The following PTK2 variants were observed in gnomAD, a reference collection of about 807,000 sequenced individuals.
PTK2 encodes the protein protein tyrosine kinase 2.
PTK2 carries 45 observed loss-of-function variants against 150.1 expected under a neutral mutation model. The observed-to-expected ratio is 0.30, with a 90% CI of 0.24 to 0.38. The LOEUF is 0.38. Among genes scored for constraint, PTK2 ranks in the 10% least tolerant of loss-of-function variants. The pLI, the probability that PTK2 is intolerant of heterozygous loss-of-function variation, is 1.00. For synonymous variants in PTK2, 432 were observed against 449.2 expected (o/e 0.96, Z 0.48); for missense variants, 919 against 1,307.3 (o/e 0.70, Z 4.58).
rs986083172 is a variant in PTK2 at position 140,879,316 on chromosome 8, T to A, written c.362+155A>T. The A allele has an allele frequency of 5.5e-6, 4 of 723,740 alleles. No individual in the cohort carries two copies. In the African/African-American group the frequency reaches 7.3e-5, roughly 13 times the overall value. The allele number at this position is 723,740 out of a possible 1,614,324, so 44.8% of individuals were successfully genotyped here. On this transcript the variant is annotated intron_variant, in intron 4 of 31. Transcript: ENST00000522684. ...AGCTAGACTAGAGGTCTAGAAGAGA[T>A]CATTCGTTAATAATTACTAACGAAT...
chr8:140,933,938 G>C (rs1439433952), intron 1 of PTK2, among the ~76,000 whole-genome samples: 4 of 151,696 alleles, frequency 2.6e-5, no homozygotes, highest in East Asian at 1.9e-4. Context: ...TGCCACACAC[G>C]AGGAAGATAA....
At chr8:140,997,857 T>C (rs1021075924) in intron 1 of PTK2, among the ~76,000 whole-genome samples, 3 of 152,178 alleles carry the variant, frequency 2.0e-5, no homozygotes, top group African/African-American at 7.2e-5. Context: ...GAGGATCACT[T>C]GAGCCCAGGA....
intron 10 of PTK2, among the ~76,000 whole-genome samples, chr8:140,813,444 T>C (rs2100102788): frequency 6.6e-6 from 1 of 151,014 alleles, no homozygotes; most frequent in Non-Finnish European, 1.5e-5. Flanking sequence ...ATAATAAACA[T>C]TCTCTCGGAG....
intron 21 of PTK2, among the ~76,000 whole-genome samples, chr8:140,735,674 G>A (rs949755311): frequency 2.0e-5 from 3 of 152,160 alleles, no homozygotes; most frequent in Non-Finnish European, 4.4e-5. Flanking sequence ...GAAAAATGCT[G>A]TAATTTTTCT....
intron 23 of PTK2, among the ~76,000 whole-genome samples, chr8:140,710,859 T>G (rs1377707787): frequency 1.8e-4 from 28 of 152,226 alleles, no homozygotes; most frequent in Admixed American, 1.8e-3. Flanking sequence ...CAATTGGCAT[T>G]AAGGTAGAGG....
chr8:140,941,980 C>T (rs115221321), intron 1 of PTK2, among the ~76,000 whole-genome samples: 23,696 of 152,066 alleles, frequency 0.16, 2,315 homozygotes, highest in East Asian at 0.46. Context: ...CTTGACCACC[C>T]CCAGGTTCAA....
chr8:140,713,018 A>T (rs1026581462), intron 23 of PTK2, among the ~76,000 whole-genome samples: 3 of 152,234 alleles, frequency 2.0e-5, no homozygotes, highest in African/African-American at 7.2e-5. Flanking sequence ...TCAACTGTAT[A>T]GTGCTTTCCT....
At chr8:140,906,134 A>G (rs1217621190) in intron 2 of PTK2, among the ~76,000 whole-genome samples, 1 of 152,184 alleles carries the variant, frequency 6.6e-6, no homozygotes, top group Admixed American at 6.5e-5. Flanking sequence ...CACTACTATC[A>G]TCAGGAAAAT....
At chr8:140,888,491 C>T (rs1290582659) in intron 3 of PTK2, among the ~76,000 whole-genome samples, 3 of 152,176 alleles carry the variant, frequency 2.0e-5, no homozygotes, top group African/African-American at 4.8e-5. Context: ...TGAAATAAAA[C>T]ACGTTGTTTG....
chr8:140,745,135 ACAGT>A (rs2100057972), intron 18 of PTK2, among the ~76,000 whole-genome samples: 1 of 152,236 alleles, frequency 6.6e-6, no homozygotes, highest in African/African-American at 2.4e-5. Context: ...AGGCTAATAC[ACAGT>A]CAGTTATCTC....
intron 12 of PTK2, among the ~76,000 whole-genome samples, chr8:140,797,603 A>G (rs1008236425): frequency 9.2e-5 from 14 of 152,192 alleles, no homozygotes; most frequent in Admixed American, 5.2e-4. Flanking sequence ...TTACAACTCT[A>G]TATTACACTA....
At chr8:140,819,166 T>C (rs1051237211) in intron 8 of PTK2, 146 bp from the exon 9 acceptor site, 6 of 805,280 alleles carry the variant, frequency 7.5e-6, no homozygotes, top group Admixed American at 3.4e-5. Flanking sequence ...CAAATAACTA[T>C]AAATGTATTT....
chr8:140,808,914 G>C (rs1194406950), intron 10 of PTK2, among the ~76,000 whole-genome samples: 1 of 151,982 alleles, frequency 6.6e-6, no homozygotes, highest in Non-Finnish European at 1.5e-5. Flanking sequence ...TGTATTTTTA[G>C]TAGAGACGGG....
In PTK2 at chr8:140,765,795, C is replaced by T. The variant is rs79533709; in HGVS notation, c.1178-1505G>A. 5.9e-3 allele frequency among the ~76,000 whole-genome samples: 899 copies of T among 152,102 alleles called. 16 individuals carry two copies. In the East Asian group the frequency reaches 0.074, roughly 13 times the overall value. On this transcript the variant is annotated intron_variant, in intron 14 of 31. Coordinates refer to ENST00000522684, the Ensembl canonical transcript of PTK2. ...CACCCTGTGAAAGAAAATTTGGGGA[C>T]GGAAGGAAGCTGCTAACACACTTGC...
rs3835176 is a variant in PTK2, at chr8:140,659,719, ATTT to A, written c.2947-44_2947-42del. On this transcript the variant is annotated intron_variant, in intron 31 of 31. Transcript: ENST00000522684. ...TAGGTCAGGAGAACTGTTTTCAGTG[ATTT>A]TTTTTTTTCTTTTTTAGAGAGATGT... is the stretch of plus-strand genomic sequence containing the variant. 7 of 1,339,690 alleles carry A rather than the reference ATTT, an allele frequency of 5.2e-6. No homozygotes were observed. In the East Asian group the frequency reaches 1.5e-4, roughly 28 times the overall value. The allele number at this position is 1,339,690 out of a possible 1,614,324, so 83.0% of individuals were successfully genotyped here.
chr8:140,906,602 G>A (rs1422959838), intron 2 of PTK2, among the ~76,000 whole-genome samples: 3 of 152,160 alleles, frequency 2.0e-5, no homozygotes, highest in Non-Finnish European at 4.4e-5. Context: ...ACAGTTAGGA[G>A]CTAAAAAAAG....
At chr8:140,844,849 A>C (rs1204555707) in intron 7 of PTK2, among the ~76,000 whole-genome samples, 1 of 152,210 alleles carries the variant, frequency 6.6e-6, no homozygotes, top group Non-Finnish European at 1.5e-5. Context: ...CATTTTAAAA[A>C]ACATGAATGT....
chr8:140,848,913 C>T (rs2100127341), intron 5 of PTK2, among the ~76,000 whole-genome samples: 1 of 152,016 alleles, frequency 6.6e-6, no homozygotes. Context: ...TGCACCATTA[C>T]CAAATTCAAT....
intron 1 of PTK2, among the ~76,000 whole-genome samples, chr8:140,971,500 GACTCA>G (rs1392100413): frequency 6.6e-6 from 1 of 152,174 alleles, no homozygotes; most frequent in Non-Finnish European, 1.5e-5. Flanking sequence ...TTAGAGTCAA[GACTCA>G]AATTTTTCTA....
Sources: allele counts gnomAD v4.1 joint callset (sites outside exome capture counted in the v4.1 genomes callset), GRCh38; gene constraint gnomAD v4.1.1; transcripts MANE v1.5; gene names NCBI Gene and HGNC (gene_info 2026-07-23, HGNC 2026-07-21).